CTNND2: variants seen among roughly 807,000 people sequenced by gnomAD.
CTNND2 encodes the protein catenin delta 2.
CTNND2 carries 22 observed loss-of-function variants against 144.4 expected under a neutral mutation model. That is an observed-to-expected ratio of 0.15 (90% CI 0.11 to 0.22). The LOEUF (loss-of-function observed/expected upper bound fraction) is 0.22, where lower values mean the gene tolerates loss of function less well. Ranked by LOEUF, CTNND2 falls within the 10% of genes least tolerant of loss-of-function variation. The pLI, the probability that CTNND2 is intolerant of heterozygous loss-of-function variation, is 1.00. For missense variants in CTNND2, 1,353 were observed against 1,618.8 expected (o/e 0.84, Z 2.82); for synonymous variants, 751 against 695.6 (o/e 1.08, Z -1.25).
chr5:11,881,706 A>AAC (rs1333206870), intron 1 of CTNND2, among the ~76,000 whole-genome samples: 3 of 152,034 alleles, frequency 2.0e-5, no homozygotes, highest in Non-Finnish European at 4.4e-5. Flanking sequence ...TAAACATGAG[A>AAC]ACATAGATAC....
At chr5:11,133,793 C>A (rs6881497) in intron 12 of CTNND2, among the ~76,000 whole-genome samples, 1 of 152,018 alleles carries the variant, frequency 6.6e-6, no homozygotes. Flanking sequence ...TTGGAAAATG[C>A]GTTAACAGGG....
At chr5:11,582,541 A>G (rs1190564429) in intron 2 of CTNND2, among the ~76,000 whole-genome samples, 1 of 152,236 alleles carries the variant, frequency 6.6e-6, no homozygotes, top group Admixed American at 6.5e-5. Flanking sequence ...AAGTAACAGC[A>G]GTGCATTCCC....
At chr5:11,123,350 G>T (rs1324302284) in intron 12 of CTNND2, among the ~76,000 whole-genome samples, 1 of 152,238 alleles carries the variant, frequency 6.6e-6, no homozygotes, top group Non-Finnish European at 1.5e-5. Context: ...TTCTAGACCA[G>T]TGGTTCCTAA....
intron 11 of CTNND2, among the ~76,000 whole-genome samples, chr5:11,196,150 A>C (rs928110557): frequency 3.9e-5 from 6 of 152,228 alleles, no homozygotes; most frequent in Admixed American, 3.3e-4. Context: ...ACTCTGCAAG[A>C]TCATTTCTTT....
intron 12 of CTNND2, among the ~76,000 whole-genome samples, chr5:11,150,051 C>T (rs779374130): frequency 9.2e-5 from 14 of 152,142 alleles, no homozygotes; most frequent in African/African-American, 1.2e-4. Flanking sequence ...AGATCCCATC[C>T]CAGAGAGGCA....
chr5:11,756,623 C>G (rs1788952826), intron 1 of CTNND2, among the ~76,000 whole-genome samples: 1 of 130,016 alleles, frequency 7.7e-6, no homozygotes, highest in East Asian at 2.3e-4. Context: ...CACATCCACA[C>G]AAATCGATAT....
intron 10 of CTNND2, among the ~76,000 whole-genome samples, chr5:11,201,577 A>C (rs996689711): frequency 2.6e-5 from 4 of 152,220 alleles, no homozygotes; most frequent in Non-Finnish European, 1.5e-5. Flanking sequence ...TGAAAGCAGA[A>C]AAAGTGGAAA....
At chr5:11,329,313 C>T (rs1752841279) in intron 9 of CTNND2, among the ~76,000 whole-genome samples, 1 of 152,112 alleles carries the variant, frequency 6.6e-6, no homozygotes, top group Non-Finnish European at 1.5e-5. Context: ...CGCCACCACA[C>T]GCGGCTAATA....
chr5:11,270,688 C>G (rs1745906789), intron 9 of CTNND2, among the ~76,000 whole-genome samples: 1 of 152,142 alleles, frequency 6.6e-6, no homozygotes, highest in South Asian at 2.1e-4. Context: ...AATCAGTGTT[C>G]AGCATTATAC....
At chr5:11,413,546 T>A (rs1337798075) in intron 3 of CTNND2, among the ~76,000 whole-genome samples, 1 of 152,174 alleles carries the variant, frequency 6.6e-6, no homozygotes, top group Non-Finnish European at 1.5e-5. Context: ...AACTCAGGCA[T>A]ATGGGTTCTG....
intron 11 of CTNND2, among the ~76,000 whole-genome samples, chr5:11,164,638 G>T (rs1164822823): frequency 6.6e-6 from 1 of 152,054 alleles, no homozygotes; most frequent in Non-Finnish European, 1.5e-5. Flanking sequence ...CCTTTGTGTC[G>T]CAGATCCCTG....
chr5:11,222,234 T>C (rs904040899), intron 10 of CTNND2, among the ~76,000 whole-genome samples: 2 of 151,900 alleles, frequency 1.3e-5, no homozygotes, highest in Non-Finnish European at 2.9e-5. Context: ...AAAGAAGAAA[T>C]GGAGTTAAAA....
At chr5:11,341,416 T>C (rs569362568) in intron 9 of CTNND2, among the ~76,000 whole-genome samples, 2 of 152,212 alleles carry the variant, frequency 1.3e-5, no homozygotes, top group Non-Finnish European at 2.9e-5. Flanking sequence ...GGGATTGCTA[T>C]TAGCTCAACT....
chr5:11,903,889 AGAGGCGTGCGCGGCGCCG>A lies in CTNND2; in HGVS notation c.-54_-37del. 7.0e-7 allele frequency: 1 copy of A among 1,427,778 alleles called. No individual in the cohort carries two copies. Among genetic ancestry groups the A allele is most frequent in the Non-Finnish European group, 9.1e-7 (1 of 1,097,870 alleles). 88.4% of individuals were successfully genotyped at this position (1,427,778 alleles called of 1,614,324 possible). ...CCGGCGACAGCTCCTCAGTCCGGGA[AGAGGCGTGCGCGGCGCCG>A]CCCGGCTTCAGGGCAAGGTCCTGAC... is the stretch of plus-strand genomic sequence containing the variant. On this transcript the variant is annotated 5_prime_UTR_variant, in exon 1 of 22. Coordinates refer to ENST00000304623, the MANE Select transcript of CTNND2 (RefSeq NM_001332.4). The surrounding 1 kb of genome is among the most constrained non-coding windows in gnomAD (Gnocchi z 5.4).
chr5:11,522,096 G>C (rs1276039190), intron 3 of CTNND2, among the ~76,000 whole-genome samples: 2 of 152,212 alleles, frequency 1.3e-5, no homozygotes, highest in Non-Finnish European at 2.9e-5. Flanking sequence ...TGGACACACA[G>C]CGTGAGAATT....
chr5:11,668,979 G>A (rs1366186094), intron 2 of CTNND2, among the ~76,000 whole-genome samples: 1 of 152,180 alleles, frequency 6.6e-6, no homozygotes, highest in Non-Finnish European at 1.5e-5. Flanking sequence ...AGGAAGGGCT[G>A]TGGAATTGTG....
chr5:11,404,894 G>T (rs1359018733), intron 5 of CTNND2, among the ~76,000 whole-genome samples: 3 of 151,710 alleles, frequency 2.0e-5, no homozygotes, highest in Admixed American at 6.6e-5. Context: ...GCAGGCATGA[G>T]CCACTGTGCC....
At position 11,461,483 on chromosome 5, in the gene CTNND2, T is replaced by C. The variant is rs148061656; in HGVS notation, c.288-49414A>G. 5.5e-4 allele frequency among the ~76,000 whole-genome samples: 84 copies of C among 152,330 alleles called. 1 individual carries two copies. In the East Asian group the frequency reaches 0.011, roughly 20 times the overall value. ...AACTTCTTGATATTAGAAATAGGCATGTCTCAAACTAGTAGAGTTTCATGA... is the reference window on the plus strand; with the variant it reads ...AACTTCTTGATATTAGAAATAGGCACGTCTCAAACTAGTAGAGTTTCATGA... On this transcript the variant is annotated intron_variant, in intron 3 of 21. Coordinates refer to ENST00000304623, the MANE Select transcript of CTNND2 (RefSeq NM_001332.4).
intron 11 of CTNND2, among the ~76,000 whole-genome samples, chr5:11,192,951 G>T (rs943008221): frequency 6.6e-6 from 1 of 152,164 alleles, no homozygotes; most frequent in Non-Finnish European, 1.5e-5. Flanking sequence ...TTTCCCTTAG[G>T]GGGTCACAAT....
Sources: allele counts gnomAD v4.1 joint callset (sites outside exome capture counted in the v4.1 genomes callset), GRCh38; gene constraint gnomAD v4.1.1; non-coding constraint Gnocchi (gnomAD v3.1); transcripts MANE v1.5; gene names NCBI Gene and HGNC (gene_info 2026-07-23, HGNC 2026-07-21).